PTPRD: variants seen among roughly 807,000 people sequenced by gnomAD.
PTPRD encodes receptor-type tyrosine-protein phosphatase delta.
Under a neutral mutation model 214.5 loss-of-function variants are expected in PTPRD, and 34 were observed. The ratio of observed to expected loss-of-function variants is 0.16; its 90% CI spans 0.12 to 0.21. PTPRD has a LOEUF of 0.21. Among genes scored for constraint, PTPRD ranks in the 10% least tolerant of loss-of-function variants. The pLI, the probability that PTPRD is intolerant of heterozygous loss-of-function variation, is 1.00. For missense variants in PTPRD, 2,545 were observed against 2,398.7 expected (o/e 1.06, Z -1.27); for synonymous variants, 1,128 against 845.7 (o/e 1.33, Z -5.79).
intron 11 of PTPRD, among the ~76,000 whole-genome samples, chr9:8,825,198 G>C (rs1488972852): frequency 6.6e-6 from 1 of 152,132 alleles, no homozygotes; most frequent in Non-Finnish European, 1.5e-5. Context: ...TTTGGCACAG[G>C]TTAGAAACCC....
At chr9:8,802,577 G>T (rs574561370) in intron 11 of PTPRD, among the ~76,000 whole-genome samples, 1 of 152,182 alleles carries the variant, frequency 6.6e-6, no homozygotes, top group East Asian at 1.9e-4. Context: ...CAGCCTGCAG[G>T]AAGTTCCCAA....
At chr9:8,470,863 G>T in intron 31 of PTPRD, 132 bp downstream of exon 31, 1 of 752,016 alleles carries the variant, frequency 1.3e-6, no homozygotes, top group South Asian at 1.5e-5. Context: ...CCATAGCACT[G>T]AACCATCCAA....
chr9:10,410,395 G>C (rs928977861), intron 2 of PTPRD, among the ~76,000 whole-genome samples: 6 of 150,442 alleles, frequency 4.0e-5, no homozygotes, highest in Non-Finnish European at 7.4e-5. Context: ...TCCTCAAAGG[G>C]CAGAGGTTTC....
At chr9:8,786,084 T>C (rs2095948564) in intron 11 of PTPRD, among the ~76,000 whole-genome samples, 1 of 150,830 alleles carries the variant, frequency 6.6e-6, no homozygotes, top group Non-Finnish European at 1.5e-5. Context: ...TCATACACAT[T>C]GTTCACCGCT....
Position 9,032,056 on chromosome 9 carries a change from A to T in PTPRD, c.-142-13321T>A, listed in dbSNP as rs538212114. Among the ~76,000 whole-genome samples the T allele has an allele frequency of 3.9e-5, 6 of 151,970 alleles. No individual in the cohort carries two copies. In the South Asian group the frequency reaches 1.0e-3, roughly 26 times the overall value. On this transcript the variant is annotated intron_variant, in intron 10 of 45. Transcript: ENST00000381196. ...ATAAAAAGCTTTTTTTCCATAAAAA[A>T]TTTCTTAAAATATGTAGCCACACAG...
chr9:10,318,002 T>G (rs1374785424), intron 3 of PTPRD, among the ~76,000 whole-genome samples: 1 of 152,082 alleles, frequency 6.6e-6, no homozygotes, highest in Non-Finnish European at 1.5e-5. Context: ...AAAATTTAAC[T>G]ATTTAGTCAT....
chr9:9,390,638 C>A (rs896591008), intron 9 of PTPRD, among the ~76,000 whole-genome samples: 2 of 152,098 alleles, frequency 1.3e-5, no homozygotes, highest in Non-Finnish European at 2.9e-5. Context: ...AACTCTTGGA[C>A]AAGTAGATCT....
At chr9:10,561,506 T>G (rs1181793381) in intron 2 of PTPRD, among the ~76,000 whole-genome samples, 1 of 152,128 alleles carries the variant, frequency 6.6e-6, no homozygotes, top group African/African-American at 2.4e-5. Flanking sequence ...GAATACTGCA[T>G]AGCACACATC....
intron 5 of PTPRD, among the ~76,000 whole-genome samples, chr9:9,785,255 T>C (rs549269367): frequency 1.4e-4 from 22 of 152,142 alleles, no homozygotes; most frequent in African/African-American, 4.8e-4. Context: ...GCAGGCAAGA[T>C]TCGCAAGGGA....
At chr9:9,842,267 A>G (rs1292562519) in intron 5 of PTPRD, among the ~76,000 whole-genome samples, 1 of 150,922 alleles carries the variant, frequency 6.6e-6, no homozygotes, top group Non-Finnish European at 1.5e-5. Flanking sequence ...GATTCAAAAC[A>G]CAAAAAACTC....
chr9:9,284,176 C>T (rs1406502689), intron 9 of PTPRD, among the ~76,000 whole-genome samples: 2 of 151,620 alleles, frequency 1.3e-5, no homozygotes, highest in Non-Finnish European at 1.5e-5. Context: ...TCTTGGGGTT[C>T]TATCCTAACT....
intron 36 of PTPRD, among the ~76,000 whole-genome samples, chr9:8,393,055 G>A (rs1428484783): frequency 6.6e-6 from 1 of 152,098 alleles, no homozygotes; most frequent in Non-Finnish European, 1.5e-5. Flanking sequence ...AAATGTTTTG[G>A]TGCCATGAAA....
Position 9,341,813 on chromosome 9 carries a change from ATTT to A in PTPRD, c.-203+55633_-203+55635del, listed in dbSNP as rs570128542. 2.4e-3 allele frequency among the ~76,000 whole-genome samples: 357 copies of A among 151,830 alleles called. 3 individuals are homozygous for A. The highest frequency in any genetic ancestry group is 8.3e-3 in the African/African-American group (344 of 41,414). Reference sequence around the variant, plus strand: ...CAAGATTTTATTTATTATTATTATTATTTTTATTTTCCAAGACAGGGCCTCACT... The same window carrying A: ...CAAGATTTTATTTATTATTATTATTATTATTTTCCAAGACAGGGCCTCACT... On this transcript the variant is annotated intron_variant, in intron 9 of 45. Transcript: ENST00000381196.
intron 5 of PTPRD, among the ~76,000 whole-genome samples, chr9:9,874,016 G>C (rs1216930270): frequency 1.3e-5 from 2 of 152,032 alleles, no homozygotes; most frequent in Non-Finnish European, 2.9e-5. Context: ...GCAGATTTTA[G>C]GATTTTAAGA....
In PTPRD at chr9:10,082,840, A is replaced by AAACACACACAC. The variant is rs1555566892; in HGVS notation, c.-544-49051_-544-49050insGTGTGTGTGTT. The stretch of plus-strand genomic sequence containing the variant: ...ACACACACACACACACACACACACA[A>AAACACACACAC]ACACACACACACACACACACACACC... On this transcript the variant is annotated intron_variant, in intron 3 of 45. Transcript: ENST00000381196. Among the ~76,000 whole-genome samples the AAACACACACAC allele has an allele frequency of 7.0e-5, 9 of 128,300 alleles. 1 individual carries two copies. The South Asian group carries it at 1.3e-3, about 18-fold the overall frequency. 84.2% of individuals were successfully genotyped at this position (128,300 alleles called of 152,430 possible).
chr9:8,939,325 C>G (rs1210267394), intron 11 of PTPRD, among the ~76,000 whole-genome samples: 1 of 152,068 alleles, frequency 6.6e-6, no homozygotes. Context: ...TTTAAAGACT[C>G]TGGAATCACT....
intron 3 of PTPRD, among the ~76,000 whole-genome samples, chr9:10,185,739 C>T (rs528917514): frequency 5.9e-5 from 9 of 151,946 alleles, no homozygotes; most frequent in East Asian, 1.9e-4. Flanking sequence ...GTAGAACCAG[C>T]GGTTTTTTTT....
At chr9:9,781,736 G>C (rs922691646) in intron 5 of PTPRD, among the ~76,000 whole-genome samples, 2 of 151,506 alleles carry the variant, frequency 1.3e-5, no homozygotes, top group Non-Finnish European at 2.9e-5. Flanking sequence ...TACACAATCC[G>C]ATTTGCTAAG....
At chr9:8,509,558 G>C (rs1357906123) in intron 21 of PTPRD, among the ~76,000 whole-genome samples, 1 of 152,214 alleles carries the variant, frequency 6.6e-6, no homozygotes, top group South Asian at 2.1e-4. Flanking sequence ...GGCTGCTCTC[G>C]GGATAATAAT....
Sources: allele counts gnomAD v4.1 joint callset (sites outside exome capture counted in the v4.1 genomes callset), GRCh38; gene constraint gnomAD v4.1.1; transcripts MANE v1.5; gene names NCBI Gene and HGNC (gene_info 2026-07-23, HGNC 2026-07-21).